NFIA: variants seen among roughly 807,000 people sequenced by gnomAD.
The protein encoded by NFIA is nuclear factor I A.
Under a neutral mutation model 62.8 loss-of-function variants are expected in NFIA, and 8 were observed. The observed-to-expected ratio is 0.13, with a 90% CI of 0.07 to 0.23. The LOEUF (loss-of-function observed/expected upper bound fraction) is 0.23, where lower values mean the gene tolerates loss of function less well. Among genes scored for constraint, NFIA ranks in the 10% least tolerant of loss-of-function variants. NFIA has a pLI of 1.00. For synonymous variants in NFIA, 235 were observed against 238.1 expected, an observed-to-expected ratio of 0.99 and a Z score of 0.12; for missense variants, 410 against 642.1, an observed-to-expected ratio of 0.64 and a Z score of 3.91.
intron 4 of NFIA, among the ~76,000 whole-genome samples, chr1:61,343,173 G>A (rs1406546117): frequency 6.6e-6 from 1 of 151,914 alleles, no homozygotes; most frequent in African/African-American, 2.4e-5. Context: ...TCCTCTACAG[G>A]GTATATATTT....
intron 3 of NFIA, among the ~76,000 whole-genome samples, chr1:61,310,312 C>G (rs1660030535): frequency 1.3e-5 from 2 of 152,200 alleles, no homozygotes; most frequent in South Asian, 2.1e-4. Context: ...CCAGTGAGAA[C>G]TGCCATGTTA....
intron 3 of NFIA, among the ~76,000 whole-genome samples, chr1:61,326,114 A>T (rs993153613): frequency 8.5e-5 from 13 of 152,208 alleles, no homozygotes; most frequent in African/African-American, 3.1e-4. Context: ...CTTTCTCAGG[A>T]TCACACAAGA....
At chr1:61,110,720 A>G (rs905433621) in intron 2 of NFIA, among the ~76,000 whole-genome samples, 1 of 152,100 alleles carries the variant, frequency 6.6e-6, no homozygotes, top group African/African-American at 2.4e-5. Context: ...GTTTCTTACC[A>G]TGGTGAAATG....
intron 6 of NFIA, among the ~76,000 whole-genome samples, chr1:61,375,364 C>G (rs773768230): frequency 6.6e-6 from 1 of 152,102 alleles, no homozygotes; most frequent in Non-Finnish European, 1.5e-5. Flanking sequence ...ACACTTAGAT[C>G]TAGTGGAGTA....
intron 2 of NFIA, among the ~76,000 whole-genome samples, chr1:61,197,752 C>T (rs150104337): frequency 0.032 from 4,846 of 151,750 alleles, 140 homozygotes; most frequent in African/African-American, 0.066. Flanking sequence ...GAGGCTGAGG[C>T]AGGCAGATCA....
intron 2 of NFIA, among the ~76,000 whole-genome samples, chr1:61,137,517 T>C (rs1647220166): frequency 6.6e-6 from 1 of 152,216 alleles, no homozygotes. Flanking sequence ...TCTGGCTCTT[T>C]TCATCCTTGG....
At chr1:61,347,840 G>A (rs1662326534) in intron 4 of NFIA, among the ~76,000 whole-genome samples, 1 of 152,194 alleles carries the variant, frequency 6.6e-6, no homozygotes. Flanking sequence ...GTGTGGCGCA[G>A]TAAGAAAAGC....
intron 2 of NFIA, among the ~76,000 whole-genome samples, chr1:61,162,296 A>G (rs913638142): frequency 2.6e-5 from 4 of 152,178 alleles, no homozygotes; most frequent in Admixed American, 6.5e-5. Context: ...GAGACTCTGC[A>G]TTTCAGATAA....
intron 3 of NFIA, among the ~76,000 whole-genome samples, chr1:61,290,616 T>G (rs536839239): frequency 6.6e-6 from 1 of 152,182 alleles, no homozygotes; most frequent in Non-Finnish European, 1.5e-5. Context: ...TTCAGTAGGA[T>G]CCTAAACAAT....
At chr1:61,411,894 A>G (rs1024124707) in intron 9 of NFIA, among the ~76,000 whole-genome samples, 5 of 151,766 alleles carry the variant, frequency 3.3e-5, no homozygotes, top group Non-Finnish European at 7.4e-5. Flanking sequence ...TGGTGAGATC[A>G]GGGAATGAAA....
At chr1:61,157,964 C>T (rs1648929237) in intron 2 of NFIA, among the ~76,000 whole-genome samples, 1 of 152,164 alleles carries the variant, frequency 6.6e-6, no homozygotes. Context: ...TGTGTGATCC[C>T]ACTGTTAAAA....
chr1:61,309,118 A>G (rs773500279), intron 3 of NFIA, among the ~76,000 whole-genome samples: 1 of 151,796 alleles, frequency 6.6e-6, no homozygotes, highest in Non-Finnish European at 1.5e-5. Flanking sequence ...CTTTCCTCCA[A>G]TTTTCCTTAC....
chr1:61,381,343 T>C (rs181212695), intron 6 of NFIA, among the ~76,000 whole-genome samples: 3 of 152,278 alleles, frequency 2.0e-5, no homozygotes, highest in Admixed American at 2.0e-4. Flanking sequence ...TGGAATTACA[T>C]GATGATAACC....
intron 3 of NFIA, among the ~76,000 whole-genome samples, chr1:61,320,101 A>G (rs1380810224): frequency 6.7e-6 from 1 of 149,608 alleles, no homozygotes; most frequent in East Asian, 1.9e-4. Flanking sequence ...AACCACTCCC[A>G]TTCTACTTCT....
chr1:61,227,105 A>G (rs1654381997), intron 2 of NFIA, among the ~76,000 whole-genome samples: 1 of 152,232 alleles, frequency 6.6e-6, no homozygotes. Context: ...GTCTGGAGAT[A>G]GCAGACTGAA....
chr1:61,140,599 T>C (rs916297498), intron 2 of NFIA, among the ~76,000 whole-genome samples: 4 of 152,194 alleles, frequency 2.6e-5, no homozygotes, highest in African/African-American at 9.6e-5. Flanking sequence ...GCCTGGGATA[T>C]GGAGAACTCA....
intron 2 of NFIA, chr1:61,251,073 G>T (rs1656002396): frequency 6.6e-6 from 1 of 152,096 alleles, no homozygotes; most frequent in Non-Finnish European, 1.5e-5. Flanking sequence ...AACTTTTGTT[G>T]TATGTCTTTC....
At chr1:61,322,948 T>TCTATGG (rs1660750143) in intron 3 of NFIA, among the ~76,000 whole-genome samples, 1 of 152,150 alleles carries the variant, frequency 6.6e-6, no homozygotes, top group African/African-American at 2.4e-5. Context: ...TGACTCTGTC[T>TCTATGG]CTATGGCTAT....
At chr1:61,197,234 C>CTTTTTTT (rs1002158986) in intron 2 of NFIA, among the ~76,000 whole-genome samples, 14 of 93,372 alleles carry the variant, frequency 1.5e-4, no homozygotes, top group East Asian at 6.5e-4. Context: ...TACTCTGGTT[C>CTTTTTTT]TTTTTTTTTT....
Sources: gnomAD v4.1 joint callset for allele counts (sites outside exome capture counted in the v4.1 genomes callset) on GRCh38, gnomAD v4.1.1 for gene constraint, MANE v1.5 for transcripts, NCBI Gene and HGNC (gene_info 2026-07-23, HGNC 2026-07-21) for gene names.